Variants in GVQW3 observed in about 807,000 individuals in gnomAD.
GVQW3 encodes the protein GVQW motif containing 3.
A neutral mutation model predicts 12.5 loss-of-function variants in GVQW3; 7 were observed. The observed-to-expected ratio is 0.56, with a 90% confidence interval of 0.32 to 1.05. GVQW3 has a LOEUF of 1.05. Among genes scored for constraint, GVQW3 ranks in the 50% least tolerant of loss-of-function variants. The pLI, the probability that GVQW3 is intolerant of heterozygous loss-of-function variation, is 0.04. For synonymous variants in GVQW3, 71 were observed against 67.2 expected, an observed-to-expected ratio of 1.06 and a Z score of -0.28; for missense variants, 188 against 190.8, an observed-to-expected ratio of 0.99 and a Z score of 0.09.
chr11:76,401,383 C>T (rs892851266), intron 1 of GVQW3, among the ~76,000 whole-genome samples: 2 of 151,866 alleles, frequency 1.3e-5, no homozygotes, highest in African/African-American at 4.8e-5. Flanking sequence ...GCATCCCTAT[C>T]GAGGTATTTT....
intron 1 of GVQW3, among the ~76,000 whole-genome samples, chr11:76,400,536 T>C (rs1946980182): frequency 6.6e-6 from 1 of 152,178 alleles, no homozygotes; most frequent in African/African-American, 2.4e-5. Context: ...TTCTCTTGCC[T>C]CAGCTTTCCG....
Position 76,382,234 on chromosome 11 carries a change from G to T in GVQW3, c.406G>T (p.Asp136Tyr). The T allele has an allele frequency of 6.5e-7, 1 of 1,536,006 alleles. No individual in the cohort carries two copies. The highest frequency in any genetic ancestry group is 1.2e-5 in the South Asian group (1 of 84,040). ...LKGEPKPRKLDFRSDLSKETR... is the reference protein window; with the variant it reads ...LKGEPKPRKLYFRSDLSKETR... ...GGGTGAGCCTAAACCACGAAAACTT[G>T]ACTTTCGGTCCGATCTTTCAAAGGA... The change falls in exon 1 of 2, where the codon GAC becomes TAC. Residue 136 changes from aspartate (D) to tyrosine (Y), a missense_variant. Asp to Tyr is a radical substitution (Grantham distance 160, BLOSUM62 -3). Transcript: ENST00000529331.
chr11:76,413,124 C>T (rs1399281941), downstream of GVQW3: 3 of 152,202 alleles, frequency 2.0e-5, no homozygotes, highest in African/African-American at 7.2e-5. Flanking sequence ...CACATGTCAT[C>T]TGTTTCCATT....
chr11:76,398,865 A>C (rs1217286340), intron 1 of GVQW3, among the ~76,000 whole-genome samples: 1 of 152,238 alleles, frequency 6.6e-6, no homozygotes, highest in Admixed American at 6.5e-5. Context: ...AAAATGTCTG[A>C]AAGTTTGGCT....
At position 76,392,007 on chromosome 11, in the gene GVQW3, C is replaced by T. The variant is rs74699019; in HGVS notation, c.465+9714C>T. ...ACGGTCATTTACTGAATTCCTTCTT[C>T]GAGCCTGGGCCTGCACTAGGCACAG... On this transcript the variant is annotated intron_variant, in intron 1 of 1. Transcript: ENST00000529331. Among the ~76,000 whole-genome samples, 1,344 of 152,304 alleles carry T rather than the reference C, an allele frequency of 8.8e-3. 19 individuals carry two copies. Among genetic ancestry groups the T allele is most frequent in the African/African-American group, 0.031 (1,293 of 41,550 alleles).
At chr11:76,394,084 A>T (rs1245727650) in intron 1 of GVQW3, among the ~76,000 whole-genome samples, 1 of 152,068 alleles carries the variant, frequency 6.6e-6, no homozygotes, top group East Asian at 1.9e-4. Flanking sequence ...TTTTTAGTAG[A>T]GACAAGGTTT....
At chr11:76,399,442 TG>T (rs1946968516) in intron 1 of GVQW3, among the ~76,000 whole-genome samples, 2 of 152,150 alleles carry the variant, frequency 1.3e-5, no homozygotes, top group South Asian at 4.1e-4. Flanking sequence ...ATGCCTGAAC[TG>T]TTTATTTGCT....
At chr11:76,393,442 ACTGT>A (rs1565244006) in intron 1 of GVQW3, among the ~76,000 whole-genome samples, 1 of 152,146 alleles carries the variant, frequency 6.6e-6, no homozygotes, top group Non-Finnish European at 1.5e-5. Context: ...CTCTCACCTC[ACTGT>A]CTGAAGACCA....
rs1947032975 is a variant in GVQW3 at position 76,405,774 on chromosome 11, C to T, written c.*2016C>T. 1 of 152,624 alleles carries T rather than the reference C, an allele frequency of 6.6e-6. No individual in the cohort carries two copies. Among genetic ancestry groups the T allele is most frequent in the South Asian group, 2.1e-4 (1 of 4,830 alleles). The allele number at this position is 152,624 out of a possible 1,614,324, so 9.5% of individuals were successfully genotyped here. A position where few individuals can be genotyped will look rare whatever the true frequency, so the allele number is the denominator to read the frequency against. Reference sequence around the variant, plus strand: ...GCTCAAGTGATCCTCCTGCCTCAGCCTTCCAAGTAGCTAGGACAACAGGTG... The same window carrying T: ...GCTCAAGTGATCCTCCTGCCTCAGCTTTCCAAGTAGCTAGGACAACAGGTG... On this transcript the variant is annotated 3_prime_UTR_variant, in exon 2 of 2. Transcript: ENST00000529331.
intron 1 of GVQW3, among the ~76,000 whole-genome samples, chr11:76,400,305 G>C (rs1446672289): frequency 6.6e-6 from 1 of 151,614 alleles, no homozygotes; most frequent in Non-Finnish European, 1.5e-5. Context: ...GTAGAGACAG[G>C]GTTTCACCAT....
intron 1 of GVQW3, among the ~76,000 whole-genome samples, chr11:76,400,051 G>A (rs373462696): frequency 2.1e-5 from 2 of 96,726 alleles, no homozygotes; most frequent in African/African-American, 3.5e-5. Flanking sequence ...ACACACACAC[G>A]GATCTTGTTG....
At chr11:76,395,723 C>T (rs1946932656) in intron 1 of GVQW3, among the ~76,000 whole-genome samples, 1 of 152,198 alleles carries the variant, frequency 6.6e-6, no homozygotes, top group Admixed American at 6.5e-5. Flanking sequence ...CTCTACTTAA[C>T]AAGCTCAATT....
intron 1 of GVQW3, chr11:76,389,823 T>C (rs1322072357): frequency 6.6e-6 from 1 of 152,186 alleles, no homozygotes; most frequent in African/African-American, 2.4e-5. Flanking sequence ...CAAGTCTACC[T>C]CCTCCCATAC....
At chr11:76,387,016 A>G (rs1440941990) in intron 1 of GVQW3, among the ~76,000 whole-genome samples, 2 of 152,232 alleles carry the variant, frequency 1.3e-5, no homozygotes, top group Non-Finnish European at 2.9e-5. Context: ...GCAAAAGTAG[A>G]CATAGTTAAT....
At chr11:76,384,194 G>T (rs568243906) in intron 1 of GVQW3, among the ~76,000 whole-genome samples, 1 of 152,312 alleles carries the variant, frequency 6.6e-6, no homozygotes, top group South Asian at 2.1e-4. Context: ...AGATATAACA[G>T]CTCCTCTTAA....
intron 1 of GVQW3, among the ~76,000 whole-genome samples, chr11:76,391,222 G>T (rs1012707637): frequency 2.6e-5 from 4 of 152,248 alleles, no homozygotes; most frequent in African/African-American, 4.8e-5. Context: ...AATCAAGGTG[G>T]TGCCTAAACA....
Position 76,382,146 on chromosome 11 carries a change from C to A in GVQW3, c.318C>A (p.Leu106=). 6.5e-7 allele frequency: 1 copy of A among 1,536,304 alleles called. No individual in the cohort carries two copies. The highest frequency in any genetic ancestry group is 8.7e-7 in the Non-Finnish European group (1 of 1,146,946). ...ELNLDKETVR[L]ILKENLNMRK... is the part of the protein sequence containing the mutation. The stretch of plus-strand genomic sequence containing the variant: ...ATTTAGACAAAGAAACTGTTAGGCT[C>A]ATTTTGAAAGAAAACTTGAACATGA... Residue 106 remains leucine, a synonymous_variant, in exon 1 of 2, where the codon CTC becomes CTA. Transcript: ENST00000529331.
chr11:76,411,593 AG>A (rs1565250679), downstream of GVQW3: 1 of 152,324 alleles, frequency 6.6e-6, no homozygotes, highest in East Asian at 1.9e-4. Flanking sequence ...TACTTCATCA[AG>A]GGTTAACCAT....
intron 1 of GVQW3, among the ~76,000 whole-genome samples, chr11:76,401,669 A>G (rs1434700686): frequency 2.0e-5 from 3 of 150,442 alleles, no homozygotes; most frequent in South Asian, 4.3e-4. Flanking sequence ...GCTGCTCATG[A>G]GGCTGAGGCA....
Sources: gnomAD v4.1 joint callset for allele counts (sites outside exome capture counted in the v4.1 genomes callset) on GRCh38, gnomAD v4.1.1 for gene constraint, MANE v1.5 for transcripts, NCBI Gene and HGNC (gene_info 2026-07-23, HGNC 2026-07-21) for gene names.